Variants in GTF3C4 observed in about 807,000 individuals in gnomAD.
GTF3C4 encodes general transcription factor 3C polypeptide 4.
Under a neutral mutation model 67.5 loss-of-function variants are expected in GTF3C4, and 28 were observed. That is an observed-to-expected ratio of 0.41 (90% CI 0.31 to 0.57). The LOEUF (loss-of-function observed/expected upper bound fraction) is 0.57. GTF3C4 is among the 20% of genes least tolerant of loss of function. GTF3C4 has a pLI of 0.21. For missense variants in GTF3C4, 831 were observed against 1,033.2 expected, an observed-to-expected ratio of 0.80 and a Z score of 2.68; for synonymous variants, 409 against 393.0, an observed-to-expected ratio of 1.04 and a Z score of -0.48.
chr9:132,683,815 G>T (rs1341744856), intron 3 of GTF3C4, 122 bp downstream of exon 3: 9 of 938,984 alleles, frequency 9.6e-6, no homozygotes, highest in Admixed American at 5.7e-5. Flanking sequence ...ATTTGTTGGA[G>T]AAAAGCTGCT....
At chr9:132,686,055 A>C (rs897159318) in intron 3 of GTF3C4, among the ~76,000 whole-genome samples, 2 of 152,212 alleles carry the variant, frequency 1.3e-5, no homozygotes, top group Non-Finnish European at 2.9e-5. Context: ...CCAGGCAAAT[A>C]AGGATAGGTG....
At position 132,679,030 on chromosome 9, in the gene GTF3C4, G is replaced by A; in HGVS notation, c.1411G>A (p.Val471Met). 6.2e-7 allele frequency: 1 copy of A among 1,614,194 alleles called. No individual in the cohort carries two copies. The highest frequency in any genetic ancestry group is 1.1e-5 in the South Asian group (1 of 91,076). The change falls in exon 2 of 5, where the codon GTG becomes ATG. Residue 471 changes from valine to methionine, a missense_variant. Val to Met is a conservative substitution (Grantham distance 21). This residue lies in a region of GTF3C4 where 390 missense variants were observed against 540.3 expected (regional missense o/e 0.72). Coordinates refer to ENST00000372146, the MANE Select transcript of GTF3C4 (RefSeq NM_012204.4). This position sits in a 1 kb window ranked among gnomAD's most constrained non-coding sequence, Gnocchi z 5.9. ...ACACCAGTTGATTAAACTCTCAGATGTGTTTGGCTCAGTGAGGACTCACGG... is the reference window on the plus strand; with the variant it reads ...ACACCAGTTGATTAAACTCTCAGATATGTTTGGCTCAGTGAGGACTCACGG... ...FEHQLIKLSD[V>M]FGSVRTHGIA...
chr9:132,677,583 T>C (rs767330722), intron 1 of GTF3C4, among the ~76,000 whole-genome samples: 38 of 152,180 alleles, frequency 2.5e-4, no homozygotes, highest in Non-Finnish European at 4.0e-4. Context: ...GCAACTAGAA[T>C]AGTCTGATTA....
upstream of GTF3C4, chr9:132,670,100 C>G (rs1564350312): frequency 6.4e-7 from 1 of 1,566,046 alleles, no homozygotes; most frequent in Non-Finnish European, 8.7e-7. Context: ...ACGGCGGCAC[C>G]GGGCGGGTAG....
rs747441039 is a variant in GTF3C4 at position 132,687,354 on chromosome 9, G to T, written c.2404+27G>T. 1 of 1,014,216 alleles carries T rather than the reference G, an allele frequency of 9.9e-7. No homozygotes were observed. Among genetic ancestry groups the T allele is most frequent in the South Asian group, 1.3e-5 (1 of 78,678 alleles). The allele number at this position is 1,014,216 out of a possible 1,614,324, so 62.8% of individuals were successfully genotyped here. ...TGAGTGCTTTCCCTTACTTGGGAGGGTGGGTGGGTGGAACATGCTGGCAGA... is the reference window on the plus strand; with the variant it reads ...TGAGTGCTTTCCCTTACTTGGGAGGTTGGGTGGGTGGAACATGCTGGCAGA... On this transcript the variant is annotated intron_variant, in intron 4 of 4. Coordinates refer to ENST00000372146, the MANE Select transcript of GTF3C4 (RefSeq NM_012204.4).
At chr9:132,676,195 A>T (rs1420526295) in intron 1 of GTF3C4, among the ~76,000 whole-genome samples, 1 of 151,938 alleles carries the variant, frequency 6.6e-6, no homozygotes, top group Non-Finnish European at 1.5e-5. Flanking sequence ...CACCACGCCC[A>T]GCCATCCTTT....
rs1835885705 is a variant in GTF3C4, at chr9:132,677,908, T to C, written c.358-69T>C. 1.2e-5 allele frequency: 15 copies of C among 1,257,608 alleles called. No homozygotes were observed. The South Asian group carries it at 2.0e-4, about 17-fold the overall frequency. The allele number at this position is 1,257,608 out of a possible 1,614,324, so 77.9% of individuals were successfully genotyped here. ...AGGCTATGAATAATGACATTCTGAC[T>C]TATTTTAAAAAATTGCCATCTCCTT... On this transcript the variant is annotated intron_variant, in intron 1 of 4. Transcript: ENST00000372146.
intron 3 of GTF3C4, among the ~76,000 whole-genome samples, chr9:132,684,895 A>G (rs951497056): frequency 6.6e-6 from 1 of 151,998 alleles, no homozygotes. Flanking sequence ...ACTATTTAAT[A>G]TATTTTTTCC....
chr9:132,683,498 G>T, intron 2 of GTF3C4, 65 bp from the exon 3 acceptor site: 1 of 1,401,842 alleles, frequency 7.1e-7, no homozygotes, highest in Non-Finnish European at 9.8e-7. Flanking sequence ...CTTTGTGTTT[G>T]TAGGCTTTTT....
At chr9:132,687,166 T>C (rs1036712156) in intron 3 of GTF3C4, 73 bp from the exon 4 acceptor site, 8 of 832,096 alleles carry the variant, frequency 9.6e-6, no homozygotes, top group East Asian at 4.8e-5. Flanking sequence ...CTCTCTGTGA[T>C]GGAGAAACAT....
rs760736129 is a variant in GTF3C4 at position 132,683,665 on chromosome 9, G to A, written c.2287G>A (p.Val763Ile). The A allele has an allele frequency of 6.2e-7, 1 of 1,612,344 alleles. No homozygotes were observed. Among genetic ancestry groups the A allele is most frequent in the Non-Finnish European group, 8.5e-7 (1 of 1,179,622 alleles). ...ILPFTDRKQAVCSNGHIWLRC... is the reference protein window; with the variant it reads ...ILPFTDRKQAICSNGHIWLRC... ...GCCATTCACAGATCGCAAACAGGCA[G>A]TCTGTTCCAATGGCCACATTTGGCT... Residue 763 changes from valine to isoleucine, a missense_variant, in exon 3 of 5, where the codon GTC (valine) becomes ATC (isoleucine). Transcript: ENST00000372146.
chr9:132,682,669 A>G (rs998806806), intron 2 of GTF3C4, among the ~76,000 whole-genome samples: 6 of 143,268 alleles, frequency 4.2e-5, no homozygotes, highest in African/African-American at 1.1e-4. Flanking sequence ...CAGTGGCGCA[A>G]TCTCGGCTCA....
At chr9:132,675,895 CTTTTT>C (rs72145516) in intron 1 of GTF3C4, among the ~76,000 whole-genome samples, 5 of 89,042 alleles carry the variant, frequency 5.6e-5, no homozygotes, top group South Asian at 4.3e-4. Flanking sequence ...TCCAGTTACC[CTTTTT>C]TTTTTTTTTT....
At chr9:132,685,013 A>AG (rs1836003521) in intron 3 of GTF3C4, among the ~76,000 whole-genome samples, 1 of 126,052 alleles carries the variant, frequency 7.9e-6, no homozygotes. Context: ...TAAATTTTTT[A>AG]ATTTTTTTTT....
chr9:132,671,233 T>A (rs983054012), intron 1 of GTF3C4, among the ~76,000 whole-genome samples: 4 of 152,296 alleles, frequency 2.6e-5, no homozygotes, highest in African/African-American at 7.2e-5. Flanking sequence ...GAACCCCTCC[T>A]TCGCCCCTCC....
rs1835696905 is a variant in GTF3C4 at position 132,670,542 on chromosome 9, G to C, written c.-57G>C. The C allele has an allele frequency of 3.9e-6, 5 of 1,279,436 alleles. No homozygotes were observed. The highest frequency in any genetic ancestry group is 1.6e-5 in the African/African-American group (1 of 64,244). 79.3% of individuals were successfully genotyped at this position (1,279,436 alleles called of 1,614,324 possible). A position where few individuals can be genotyped will look rare whatever the true frequency, so the allele number is the denominator to read the frequency against. On this transcript the variant is annotated 5_prime_UTR_variant, in exon 1 of 5. Coordinates refer to ENST00000372146, the MANE Select transcript of GTF3C4 (RefSeq NM_012204.4). ...TGGGGGTGGCGGCGGCGGTCCGGGA[G>C]GTGGTCGCGCGACTGCGTGGAGCGC...
chr9:132,687,808 G>A (rs17481745), intron 4 of GTF3C4, among the ~76,000 whole-genome samples: 15,748 of 152,042 alleles, frequency 0.1, 969 homozygotes, highest in Admixed American at 0.18. Flanking sequence ...AATGTCATCC[G>A]TTTCTGAGAT....
rs561564488 is a variant in GTF3C4 at position 132,671,018 on chromosome 9, G to T, written c.357+63G>T. Reference sequence around the variant, plus strand: ...TCCCCCTCTCGCGGCCGCATCATCCGTCCCAGGGGAATCCGATCCCACACT... The same window carrying T: ...TCCCCCTCTCGCGGCCGCATCATCCTTCCCAGGGGAATCCGATCCCACACT... On this transcript the variant is annotated intron_variant, in intron 1 of 4. Transcript: ENST00000372146. 2.8e-3 allele frequency: 3,221 copies of T among 1,131,740 alleles called. 13 individuals carry two copies. The highest frequency in any genetic ancestry group is 3.8e-3 in the Non-Finnish European group (2,831 of 751,066). The allele number at this position is 1,131,740 out of a possible 1,614,324, so 70.1% of individuals were successfully genotyped here.
rs748932249 is a variant in GTF3C4, at chr9:132,678,328, G to T, written c.709G>T (p.Ala237Ser). 20 of 1,614,088 alleles carry T rather than the reference G, an allele frequency of 1.2e-5. No individual in the cohort carries two copies. The highest frequency in any genetic ancestry group is 5.0e-5 in the Admixed American group (3 of 60,016). Residue 237 changes from alanine to serine, a missense_variant, in exon 2 of 5, where the codon GCT (alanine) becomes TCT (serine). Physicochemically the swap from Ala to Ser is moderately conservative, Grantham distance 99. Coordinates refer to ENST00000372146, the MANE Select transcript of GTF3C4 (RefSeq NM_012204.4). This position sits in a 1 kb window ranked among gnomAD's most constrained non-coding sequence, Gnocchi z 6.5. ...EAPEGNLGDF[A>S]EFQRRHSMQT... ...CCCGGAAGGAAATCTCGGGGATTTTGCTGAGTTTCAGAGGAGACACAGCAT... is the reference window on the plus strand; with the variant it reads ...CCCGGAAGGAAATCTCGGGGATTTTTCTGAGTTTCAGAGGAGACACAGCAT...
Sources: allele counts gnomAD v4.1 joint callset (sites outside exome capture counted in the v4.1 genomes callset), GRCh38; gene constraint gnomAD v4.1.1; regional missense constraint gnomAD v4.1.1; non-coding constraint Gnocchi (gnomAD v3.1); transcripts MANE v1.5; gene names NCBI Gene and HGNC (gene_info 2026-07-23, HGNC 2026-07-21).